CAMK2D: variants seen among roughly 807,000 people sequenced by gnomAD.
CAMK2D encodes the protein calcium/calmodulin dependent protein kinase II delta, also known as calcium/calmodulin-dependent protein kinase type II subunit delta.
In CAMK2D, 37 loss-of-function variants were observed where a neutral mutation model predicts 84.0. The ratio of observed to expected loss-of-function variants is 0.44; its 90% CI spans 0.34 to 0.58. The LOEUF (loss-of-function observed/expected upper bound fraction) is 0.58. CAMK2D is among the 20% of genes least tolerant of loss of function. The pLI is 0.02. For missense variants in CAMK2D, 448 were observed against 652.5 expected (o/e 0.69, Z 3.41); for synonymous variants, 202 against 212.5 (o/e 0.95, Z 0.43).
chr4:113,551,251 G>C (rs1275536124), intron 5 of CAMK2D, among the ~76,000 whole-genome samples: 1 of 152,162 alleles, frequency 6.6e-6, no homozygotes, highest in Non-Finnish European at 1.5e-5. Context: ...CAAAAGTGTT[G>C]CCTTGGATAG....
intron 2 of CAMK2D, among the ~76,000 whole-genome samples, chr4:113,749,754 T>G (rs1262102688): frequency 6.6e-6 from 1 of 152,166 alleles, no homozygotes; most frequent in Admixed American, 6.5e-5. Context: ...CAATAAGAAT[T>G]TGCAAGTAGT....
chr4:113,501,038 G>T (rs1242723858), intron 15 of CAMK2D, among the ~76,000 whole-genome samples: 1 of 152,016 alleles, frequency 6.6e-6, no homozygotes, highest in Non-Finnish European at 1.5e-5. Context: ...AGCTAAGGGG[G>T]TTAAGCTGAG....
At chr4:113,612,959 C>A (rs1455369990) in intron 3 of CAMK2D, among the ~76,000 whole-genome samples, 1 of 152,110 alleles carries the variant, frequency 6.6e-6, no homozygotes, top group Non-Finnish European at 1.5e-5. Context: ...TGTGTTCTTG[C>A]ATTATTCCAT....
At chr4:113,708,159 C>CT (rs1200090712) in intron 2 of CAMK2D, among the ~76,000 whole-genome samples, 14 of 151,996 alleles carry the variant, frequency 9.2e-5, no homozygotes, top group African/African-American at 2.9e-4. Context: ...CAGGTCTGAG[C>CT]TTTTTTTTGA....
At chr4:113,460,354 A>G (rs1015963348) in intron 17 of CAMK2D, 113 bp from the exon 18 acceptor site, 6 of 708,222 alleles carry the variant, frequency 8.5e-6, no homozygotes, top group Non-Finnish European at 1.0e-5. Context: ...GCCTCTAAAA[A>G]CACTTACATA....
intron 2 of CAMK2D, among the ~76,000 whole-genome samples, chr4:113,691,342 T>A (rs879838755): frequency 3.9e-5 from 6 of 152,180 alleles, no homozygotes; most frequent in Non-Finnish European, 7.4e-5. Context: ...GCCTCCTGAA[T>A]TGGACAACTA....
rs188709178 is a variant in CAMK2D, at chr4:113,520,486, C to A, written c.602-2829G>T. 1.6e-4 allele frequency among the ~76,000 whole-genome samples: 25 copies of A among 151,986 alleles called. No individual in the cohort carries two copies. The East Asian group carries it at 4.6e-3, about 28-fold the overall frequency. On this transcript the variant is annotated intron_variant, in intron 8 of 20. Coordinates refer to ENST00000511664, the MANE Select transcript of CAMK2D (RefSeq NM_001321571.2). ...TTGAGTTCTTGCCTCATGAGTAAGCCCAATTTATCTTTTTAATAAACCTAA... is the reference window on the plus strand; with the variant it reads ...TTGAGTTCTTGCCTCATGAGTAAGCACAATTTATCTTTTTAATAAACCTAA...
intron 16 of CAMK2D, among the ~76,000 whole-genome samples, chr4:113,476,222 C>G (rs2097614426): frequency 6.6e-6 from 1 of 152,070 alleles, no homozygotes; most frequent in African/African-American, 2.4e-5. Context: ...TCTCAGATGT[C>G]AGACCATTGG....
chr4:113,760,030 T>C (rs1011729521), intron 1 of CAMK2D, among the ~76,000 whole-genome samples: 6 of 152,226 alleles, frequency 3.9e-5, no homozygotes, highest in African/African-American at 1.2e-4. Context: ...TAAAAATATT[T>C]ACCTTTCCTT....
intron 16 of CAMK2D, among the ~76,000 whole-genome samples, chr4:113,478,862 A>G (rs1270179955): frequency 6.6e-6 from 1 of 152,204 alleles, no homozygotes; most frequent in Non-Finnish European, 1.5e-5. Context: ...AAAAAAAATG[A>G]CATTTGGAGC....
At chr4:113,561,552 CTG>C (rs1271530372) in intron 4 of CAMK2D, among the ~76,000 whole-genome samples, 2 of 152,148 alleles carry the variant, frequency 1.3e-5, no homozygotes, top group African/African-American at 2.4e-5. Context: ...ACTCTAGTGA[CTG>C]TGTTTTACAA....
intron 3 of CAMK2D, among the ~76,000 whole-genome samples, chr4:113,653,580 T>C (rs1162305219): frequency 6.6e-6 from 1 of 152,052 alleles, no homozygotes; most frequent in Non-Finnish European, 1.5e-5. Context: ...GCTCAACTTC[T>C]GATGCCATTG....
Position 113,761,702 on chromosome 4 carries a change from A to C in CAMK2D, c.-634T>G, listed in dbSNP as rs1179807027. Reference sequence around the variant, plus strand: ...CCTTGGCGGCCTCGCGCTGCTCACGAGCCCGCGCGGCTTCAAGACGGCGCG... The same window carrying C: ...CCTTGGCGGCCTCGCGCTGCTCACGCGCCCGCGCGGCTTCAAGACGGCGCG... On this transcript the variant is annotated 5_prime_UTR_variant, in exon 1 of 21. Transcript: ENST00000511664. 1.0e-6 allele frequency: 1 copy of C among 967,896 alleles called. No homozygotes were observed. The highest frequency in any genetic ancestry group is 1.2e-6 in the Non-Finnish European group (1 of 814,266). The allele number at this position is 967,896 out of a possible 1,614,324, so 60.0% of individuals were successfully genotyped here. A position where few individuals can be genotyped will look rare whatever the true frequency, so the allele number is the denominator to read the frequency against.
At chr4:113,512,159 A>C (rs2098223444) in intron 12 of CAMK2D, among the ~76,000 whole-genome samples, 1 of 152,232 alleles carries the variant, frequency 6.6e-6, no homozygotes, top group African/African-American at 2.4e-5. Context: ...AAGGTTACCA[A>C]GTGCGGCTTA....
chr4:113,741,423 T>C (rs2099592613), intron 2 of CAMK2D, among the ~76,000 whole-genome samples: 1 of 152,192 alleles, frequency 6.6e-6, no homozygotes, highest in Non-Finnish European at 1.5e-5. Context: ...TGTTCTATTT[T>C]ATTAGTACTT....
At chr4:113,516,655 A>G (rs1479337765) in intron 9 of CAMK2D, among the ~76,000 whole-genome samples, 1 of 152,200 alleles carries the variant, frequency 6.6e-6, no homozygotes, top group African/African-American at 2.4e-5. Flanking sequence ...AATGCATTGA[A>G]GAGTTCACGA....
At chr4:113,612,102 G>C (rs1486654472) in intron 3 of CAMK2D, among the ~76,000 whole-genome samples, 1 of 151,944 alleles carries the variant, frequency 6.6e-6, no homozygotes, top group Non-Finnish European at 1.5e-5. Context: ...ATTAACAAAA[G>C]TAGATACTAT....
chr4:113,464,042 C>T (rs2097426279), intron 17 of CAMK2D, among the ~76,000 whole-genome samples: 1 of 151,936 alleles, frequency 6.6e-6, no homozygotes, highest in African/African-American at 2.4e-5. Context: ...ATTACTAATC[C>T]CCCCATATCT....
intron 6 of CAMK2D, among the ~76,000 whole-genome samples, chr4:113,547,056 A>C (rs2154195446): frequency 6.6e-6 from 1 of 152,312 alleles, no homozygotes; most frequent in Middle Eastern, 3.4e-3. Flanking sequence ...TTACATCTGT[A>C]GTTTTAGAAG....
Sources: gnomAD v4.1 joint callset for allele counts (sites outside exome capture counted in the v4.1 genomes callset) on GRCh38, gnomAD v4.1.1 for gene constraint, MANE v1.5 for transcripts, NCBI Gene and HGNC (gene_info 2026-07-23, HGNC 2026-07-21) for gene names.